PIEZO2: variants seen among roughly 807,000 people sequenced by gnomAD.
PIEZO2 encodes piezo-type mechanosensitive ion channel component 2.
PIEZO2 carries 172 observed loss-of-function variants against 337.3 expected under a neutral mutation model. The ratio of observed to expected loss-of-function variants is 0.51; its 90% confidence interval spans 0.45 to 0.58. PIEZO2 has a LOEUF of 0.58. Among genes scored for constraint, PIEZO2 ranks in the 20% least tolerant of loss-of-function variants. PIEZO2 has a pLI of 0.00. For missense variants in PIEZO2, 3,028 were observed against 3,391.3 expected, an observed-to-expected ratio of 0.89 and a Z score of 2.66; for synonymous variants, 1,251 against 1,228.5, an observed-to-expected ratio of 1.02 and a Z score of -0.38.
chr18:10,711,450 T>C (rs911064299), intron 39 of PIEZO2, among the ~76,000 whole-genome samples: 2 of 152,218 alleles, frequency 1.3e-5, no homozygotes, highest in East Asian at 1.9e-4. Flanking sequence ...AAAAATTGTA[T>C]CTTTGTATGA....
intron 1 of PIEZO2, among the ~76,000 whole-genome samples, chr18:11,107,454 GT>G (rs1194716531): frequency 1.3e-5 from 2 of 151,946 alleles, no homozygotes; most frequent in Non-Finnish European, 2.9e-5. Context: ...CATGTACAGA[GT>G]TTTTTTCTGC....
intron 39 of PIEZO2, among the ~76,000 whole-genome samples, chr18:10,711,080 A>G (rs2035801576): frequency 6.6e-6 from 1 of 152,244 alleles, no homozygotes; most frequent in South Asian, 2.1e-4. Flanking sequence ...TCAAAAAGCA[A>G]TCGATGAATT....
chr18:10,979,512 A>G lies in PIEZO2; in HGVS notation c.286+23T>C. Reference sequence around the variant, plus strand: ...ATAAAAGAAATAAAAGAAAACAATAAAAGAAAACACCATAATACTCACAGT... The same window carrying G: ...ATAAAAGAAATAAAAGAAAACAATAGAAGAAAACACCATAATACTCACAGT... On this transcript the variant is annotated intron_variant, in intron 3 of 55. Transcript: ENST00000674853. The surrounding 1 kb of genome is among the most constrained non-coding windows in gnomAD (Gnocchi z 4.0). The G allele has an allele frequency of 6.8e-7, 1 of 1,464,374 alleles. No homozygotes were observed. Among genetic ancestry groups the G allele is most frequent in the Non-Finnish European group, 9.1e-7 (1 of 1,104,664 alleles). The allele number at this position is 1,464,374 out of a possible 1,614,324, so 90.7% of individuals were successfully genotyped here. A position where few individuals can be genotyped will look rare whatever the true frequency, so the allele number is the denominator to read the frequency against.
At chr18:10,950,821 C>G (rs1214193267) in intron 3 of PIEZO2, among the ~76,000 whole-genome samples, 1 of 152,190 alleles carries the variant, frequency 6.6e-6, no homozygotes, top group Admixed American at 6.5e-5. Flanking sequence ...TCTCCCATTC[C>G]TCAACATGGA....
rs899331012 is a variant in PIEZO2 at position 11,028,512 on chromosome 18, T to C, written c.160+37615A>G. Among the ~76,000 whole-genome samples the C allele has an allele frequency of 4.6e-5, 7 of 152,148 alleles. No individual in the cohort carries two copies. Among genetic ancestry groups the C allele is most frequent in the Admixed American group, 6.5e-5 (1 of 15,276 alleles). ...CTGACCTCAGATGATCCGCCAGCCTTGGACTCCCAAAGTGCTGGGATTACA... is the reference window on the plus strand; with the variant it reads ...CTGACCTCAGATGATCCGCCAGCCTCGGACTCCCAAAGTGCTGGGATTACA... On this transcript the variant is annotated intron_variant, in intron 2 of 55. Transcript: ENST00000674853. The surrounding 1 kb of genome is among the most constrained non-coding windows in gnomAD (Gnocchi z 4.8).
In PIEZO2 at chr18:10,980,732, A is replaced by G. The variant is rs141314613; in HGVS notation, c.161-1072T>C. 2.3e-4 allele frequency among the ~76,000 whole-genome samples: 35 copies of G among 152,250 alleles called. No individual in the cohort carries two copies. Among genetic ancestry groups the G allele is most frequent in the Non-Finnish European group, 4.0e-4 (27 of 68,036 alleles). ...ACATACCTCTTCATTAACAATAATC[A>G]AAAAGAAATAAGATGCAATTTTATT... On this transcript the variant is annotated intron_variant, in intron 2 of 55. Coordinates refer to ENST00000674853, the MANE Select transcript of PIEZO2 (RefSeq NM_001378183.1). The surrounding 1 kb of genome is among the most constrained non-coding windows in gnomAD (Gnocchi z 4.8).
intron 5 of PIEZO2, among the ~76,000 whole-genome samples, chr18:10,860,977 A>G (rs938056731): frequency 1.3e-5 from 2 of 152,220 alleles, no homozygotes; most frequent in African/African-American, 2.4e-5. Context: ...GAGAGCCAAG[A>G]GCGAGACGGG....
intron 2 of PIEZO2, among the ~76,000 whole-genome samples, chr18:11,019,557 G>C (rs564129906): frequency 5.9e-5 from 9 of 152,240 alleles, no homozygotes; most frequent in Non-Finnish European, 1.0e-4. Flanking sequence ...ACTTAGAAAG[G>C]CCTTCCAGGA....
In PIEZO2 at chr18:10,837,134, C is replaced by A. The variant is rs567216513; in HGVS notation, c.917+18219G>T. On this transcript the variant is annotated intron_variant, in intron 7 of 55. Coordinates refer to ENST00000674853, the MANE Select transcript of PIEZO2 (RefSeq NM_001378183.1). The surrounding 1 kb of genome is among the most constrained non-coding windows in gnomAD (Gnocchi z 4.4). ...GGGATTGCTCACAACTCTTTCCATGCCAAGAAGCATGTGAGGAGGAGGGGA... is the reference window on the plus strand; with the variant it reads ...GGGATTGCTCACAACTCTTTCCATGACAAGAAGCATGTGAGGAGGAGGGGA... Among the ~76,000 whole-genome samples, 4 of 152,236 alleles carry A rather than the reference C, an allele frequency of 2.6e-5. No individual in the cohort carries two copies. In the South Asian group the frequency reaches 8.3e-4, roughly 32 times the overall value.
At chr18:10,710,171 T>G (rs921478400) in intron 39 of PIEZO2, among the ~76,000 whole-genome samples, 5 of 152,264 alleles carry the variant, frequency 3.3e-5, no homozygotes, top group Admixed American at 1.3e-4. Flanking sequence ...TGGGAACCGA[T>G]GGTTCTAATT....
rs776208887 is a variant in PIEZO2, at chr18:10,696,123, A to G, written c.7141T>C (p.Phe2381Leu). 1 of 1,614,198 alleles carries G rather than the reference A, an allele frequency of 6.2e-7. No homozygotes were observed. The highest frequency in any genetic ancestry group is 1.6e-4 in the Middle Eastern group (1 of 6,062). Residue 2381 changes from phenylalanine to leucine, a missense_variant, in exon 47 of 56, where the codon TTC (phenylalanine) becomes CTC (leucine). Coordinates refer to ENST00000674853, the MANE Select transcript of PIEZO2 (RefSeq NM_001378183.1). The part of the protein sequence containing the change: ...GKVIFQVILV[F>L]GIHFWMFFIL... Reference sequence around the variant, plus strand: ...AAGAACATCCAGAAGTGAATTCCGAACACAAGAATGACCTGGAAGATGACC... The same window carrying G: ...AAGAACATCCAGAAGTGAATTCCGAGCACAAGAATGACCTGGAAGATGACC...
chr18:11,141,260 T>G (rs1365625903), intron 1 of PIEZO2, among the ~76,000 whole-genome samples: 1 of 152,120 alleles, frequency 6.6e-6, no homozygotes, highest in Non-Finnish European at 1.5e-5. Flanking sequence ...TACAAGCCTG[T>G]TGGGCTAATG....
chr18:10,963,769 G>C (rs1246180392), intron 3 of PIEZO2, among the ~76,000 whole-genome samples: 1 of 152,182 alleles, frequency 6.6e-6, no homozygotes, highest in Non-Finnish European at 1.5e-5. Flanking sequence ...AAATGAAGAC[G>C]ACTGAGTATT....
intron 34 of PIEZO2, among the ~76,000 whole-genome samples, chr18:10,736,303 A>G (rs541523284): frequency 6.6e-6 from 1 of 152,124 alleles, no homozygotes; most frequent in African/African-American, 2.4e-5. Flanking sequence ...CTTTGCTTGC[A>G]AGAAAAACAT....
chr18:11,008,723 C>T (rs2145643590), intron 2 of PIEZO2, among the ~76,000 whole-genome samples: 1 of 152,230 alleles, frequency 6.6e-6, no homozygotes, highest in Middle Eastern at 3.4e-3. Context: ...ATGCTATATG[C>T]CAGAATTATG....
intron 37 of PIEZO2, among the ~76,000 whole-genome samples, chr18:10,717,580 G>A (rs1302262279): frequency 6.8e-6 from 1 of 146,984 alleles, no homozygotes; most frequent in African/African-American, 2.7e-5. Flanking sequence ...TTCATTTGGA[G>A]GCTTTGGCCT....
chr18:10,916,264 C>A (rs1485856073), intron 3 of PIEZO2, among the ~76,000 whole-genome samples: 2 of 152,156 alleles, frequency 1.3e-5, no homozygotes, highest in Non-Finnish European at 2.9e-5. Context: ...CCGCAGGCAG[C>A]CAGTCCCACG....
Position 11,130,962 on chromosome 18 carries a change from C to A in PIEZO2, c.64+17563G>T, listed in dbSNP as rs531104119. ...ACATGGACCATATGACCCAGCAGAT[C>A]CAATGGTGTTTGAGGTGTCAGTGGC... On this transcript the variant is annotated intron_variant, in intron 1 of 55. Transcript: ENST00000674853. Among the ~76,000 whole-genome samples, 199 of 152,320 alleles carry A rather than the reference C, an allele frequency of 1.3e-3. 1 individual carries two copies. The Middle Eastern group carries it at 0.014, about 10-fold the overall frequency.
At chr18:11,011,855 C>A (rs2035915104) in intron 2 of PIEZO2, among the ~76,000 whole-genome samples, 1 of 152,192 alleles carries the variant, frequency 6.6e-6, no homozygotes, top group African/African-American at 2.4e-5. Flanking sequence ...GTGGCTCACG[C>A]CTCAAATTCC....
Sources: gnomAD v4.1 joint callset for allele counts (sites outside exome capture counted in the v4.1 genomes callset) on GRCh38, gnomAD v4.1.1 for gene constraint, Gnocchi (gnomAD v3.1) non-coding constraint, MANE v1.5 for transcripts, NCBI Gene and HGNC (gene_info 2026-07-23, HGNC 2026-07-21) for gene names.